The following PHACTR1 variants were observed in gnomAD, a reference collection of about 807,000 sequenced individuals.
The protein encoded by PHACTR1 is RPEL repeat containing 1.
A neutral mutation model predicts 69.2 loss-of-function variants in PHACTR1; 16 were observed. The observed-to-expected ratio is 0.23, with a 90% CI of 0.16 to 0.35. The LOEUF (loss-of-function observed/expected upper bound fraction) is 0.35, where lower values mean the gene tolerates loss of function less well. PHACTR1 is among the 10% of genes least tolerant of loss of function. PHACTR1 has a pLI of 1.00. For missense variants in PHACTR1, 510 were observed against 734.7 expected, an observed-to-expected ratio of 0.69 and a Z score of 3.54; for synonymous variants, 312 against 284.5, an observed-to-expected ratio of 1.10 and a Z score of -0.97.
intron 4 of PHACTR1, among the ~76,000 whole-genome samples, chr6:12,960,470 T>C (rs1304323550): frequency 1.3e-5 from 2 of 152,192 alleles, no homozygotes; most frequent in African/African-American, 4.8e-5. Flanking sequence ...AGTGTCTGCG[T>C]GTTTTGGACA....
intron 7 of PHACTR1, 105 bp downstream of exon 7, chr6:13,182,791 T>C (rs1762359596): frequency 1.7e-6 from 2 of 1,164,470 alleles, no homozygotes; most frequent in East Asian, 2.6e-5. Context: ...TGGACTATCC[T>C]GAGCGTAAGG....
At position 13,286,049 on chromosome 6, in the gene PHACTR1, G is replaced by A; in HGVS notation, c.1651-97G>A. The A allele has an allele frequency of 2.9e-6, 3 of 1,030,196 alleles. No individual in the cohort carries two copies. In the South Asian group the frequency reaches 5.1e-5, roughly 17 times the overall value. 63.8% of individuals were successfully genotyped at this position (1,030,196 alleles called of 1,614,324 possible). On this transcript the variant is annotated intron_variant, in intron 13 of 14. Transcript: ENST00000332995. ...ATCCATCTTAAACTTGTTTGTCTTT[G>A]TTGAAGAAGAAAAATATGTTGTTAG...
At chr6:12,906,806 C>T (rs1785782688) in intron 4 of PHACTR1, among the ~76,000 whole-genome samples, 1 of 152,152 alleles carries the variant, frequency 6.6e-6, no homozygotes, top group Non-Finnish European at 1.5e-5. Flanking sequence ...CTCCAATTGG[C>T]TCTGGTTGGG....
chr6:13,086,813 A>G (rs1812394384), intron 5 of PHACTR1, among the ~76,000 whole-genome samples: 1 of 152,032 alleles, frequency 6.6e-6, no homozygotes, highest in Non-Finnish European at 1.5e-5. Context: ...TTTCTGGGTT[A>G]TGTGGTAAGG....
intron 4 of PHACTR1, among the ~76,000 whole-genome samples, chr6:13,030,212 G>A (rs901008980): frequency 9.0e-6 from 1 of 111,448 alleles, no homozygotes; most frequent in Non-Finnish European, 2.1e-5. Flanking sequence ...GCTTGTGAGT[G>A]CAACAGACGT....
At chr6:13,089,499 C>T (rs1176556383) in intron 5 of PHACTR1, among the ~76,000 whole-genome samples, 1 of 152,154 alleles carries the variant, frequency 6.6e-6, no homozygotes, top group Non-Finnish European at 1.5e-5. Flanking sequence ...AGGATTCTGA[C>T]TCAATATGCT....
At chr6:13,062,712 A>G (rs766281179) in intron 5 of PHACTR1, among the ~76,000 whole-genome samples, 2 of 152,190 alleles carry the variant, frequency 1.3e-5, no homozygotes, top group Non-Finnish European at 2.9e-5. Flanking sequence ...TTGACAGAGT[A>G]CATTTGCAAT....
intron 4 of PHACTR1, among the ~76,000 whole-genome samples, chr6:12,931,758 A>G (rs765064173): frequency 5.9e-5 from 9 of 151,650 alleles, no homozygotes; most frequent in East Asian, 2.0e-4. Flanking sequence ...TCTTTCTGTT[A>G]GTGCAGGCAA....
intron 4 of PHACTR1, among the ~76,000 whole-genome samples, chr6:12,836,687 T>A (rs1330727072): frequency 6.6e-6 from 1 of 152,222 alleles, no homozygotes; most frequent in African/African-American, 2.4e-5. Flanking sequence ...CTCTCTGACC[T>A]GCTTCCTCAC....
At chr6:13,211,915 A>AACAC (rs908108620) in intron 8 of PHACTR1, among the ~76,000 whole-genome samples, 1 of 151,894 alleles carries the variant, frequency 6.6e-6, no homozygotes, top group Admixed American at 6.6e-5. Flanking sequence ...GCCATTTAAA[A>AACAC]ACACACACAC....
chr6:13,212,622 C>T (rs904076211), intron 8 of PHACTR1, among the ~76,000 whole-genome samples: 2 of 152,180 alleles, frequency 1.3e-5, no homozygotes, highest in African/African-American at 2.4e-5. Flanking sequence ...TGAGTATTAA[C>T]GGACTGCCCC....
intron 5 of PHACTR1, among the ~76,000 whole-genome samples, chr6:13,148,583 T>C (rs1485900232): frequency 6.6e-6 from 1 of 152,168 alleles, no homozygotes; most frequent in Non-Finnish European, 1.5e-5. Context: ...TCCTTTTTTT[T>C]CACATATACC....
At chr6:12,800,792 G>T (rs1384099354) in intron 4 of PHACTR1, among the ~76,000 whole-genome samples, 2 of 151,988 alleles carry the variant, frequency 1.3e-5, no homozygotes, top group Non-Finnish European at 2.9e-5. Flanking sequence ...GGAGGCTGAG[G>T]TCGGAGGATC....
chr6:13,119,363 T>C (rs1476359129), intron 5 of PHACTR1, among the ~76,000 whole-genome samples: 4 of 152,258 alleles, frequency 2.6e-5, no homozygotes, highest in Non-Finnish European at 5.9e-5. Flanking sequence ...ACCAATTTCA[T>C]GATAATTTGG....
At chr6:12,858,519 G>T (rs904477060) in intron 4 of PHACTR1, among the ~76,000 whole-genome samples, 10 of 152,084 alleles carry the variant, frequency 6.6e-5, no homozygotes, top group African/African-American at 2.2e-4. Flanking sequence ...AGGTTGGGGT[G>T]CAGTGGCTCA....
At chr6:13,234,219 G>A (rs1044353620) in intron 10 of PHACTR1, among the ~76,000 whole-genome samples, 1 of 152,244 alleles carries the variant, frequency 6.6e-6, no homozygotes, top group Non-Finnish European at 1.5e-5. Context: ...CTACTCTGGA[G>A]TAGAAGTTTG....
At chr6:13,282,734 C>A (rs1020645947) in intron 12 of PHACTR1, among the ~76,000 whole-genome samples, 2 of 147,022 alleles carry the variant, frequency 1.4e-5, no homozygotes, top group African/African-American at 5.4e-5. Flanking sequence ...CTCGATGTGA[C>A]ACAGATGTGG....
chr6:12,764,018 T>C (rs1768329402), intron 4 of PHACTR1, among the ~76,000 whole-genome samples: 1 of 152,200 alleles, frequency 6.6e-6, no homozygotes, highest in Non-Finnish European at 1.5e-5. Flanking sequence ...AAGGTATTCA[T>C]ACCAAATTTG....
At chr6:13,223,700 T>C (rs1769070711) in intron 8 of PHACTR1, among the ~76,000 whole-genome samples, 1 of 152,184 alleles carries the variant, frequency 6.6e-6, no homozygotes, top group Non-Finnish European at 1.5e-5. Flanking sequence ...TGTGTCCTTG[T>C]GGGCCTATTC....
Sources: allele counts gnomAD v4.1 joint callset (sites outside exome capture counted in the v4.1 genomes callset), GRCh38; gene constraint gnomAD v4.1.1; transcripts MANE v1.5; gene names NCBI Gene and HGNC (gene_info 2026-07-23, HGNC 2026-07-21).